The following MGAT4C variants were observed in gnomAD, a reference collection of about 807,000 sequenced individuals.
The protein encoded by MGAT4C is MGAT4 family member C, also known as alpha-1,3-mannosyl-glycoprotein 4-beta-N-acetylglucosaminyltransferase C.
In MGAT4C, 19 loss-of-function variants were observed where a neutral mutation model predicts 40.1. That is an observed-to-expected ratio of 0.47 (90% CI 0.33 to 0.70). The LOEUF is 0.70. MGAT4C is among the 30% of genes least tolerant of loss of function. The pLI, the probability that MGAT4C is intolerant of heterozygous loss-of-function variation, is 0.02. For missense variants in MGAT4C, 491 were observed against 563.2 expected (o/e 0.87, Z 1.30); for synonymous variants, 181 against 187.1 (o/e 0.97, Z 0.27).
At chr12:86,096,148 T>C (rs921046826) in intron 1 of MGAT4C, among the ~76,000 whole-genome samples, 1 of 151,754 alleles carries the variant, frequency 6.6e-6, no homozygotes, top group African/African-American at 2.4e-5. Context: ...TTAGTAGCAG[T>C]CTCTGTTTTC....
chr12:86,730,591 A>G (rs2136119521), intron 1 of MGAT4C, among the ~76,000 whole-genome samples: 1 of 152,218 alleles, frequency 6.6e-6, no homozygotes, highest in Middle Eastern at 3.4e-3. Context: ...TAAAAAGATC[A>G]GATGAGCAAT....
At chr12:86,024,484 T>G (rs1890072954) in intron 2 of MGAT4C, among the ~76,000 whole-genome samples, 1 of 151,800 alleles carries the variant, frequency 6.6e-6, no homozygotes, top group Admixed American at 6.6e-5. Flanking sequence ...CCCTTTCTAT[T>G]TTGTAAAATT....
chr12:86,416,058 T>C (rs1956704884), intron 3 of MGAT4C, among the ~76,000 whole-genome samples: 1 of 152,032 alleles, frequency 6.6e-6, no homozygotes, highest in African/African-American at 2.4e-5. Context: ...CATTTGTGTA[T>C]AGAGGGATAT....
At chr12:86,757,602 C>T (rs1565968623) in intron 1 of MGAT4C, among the ~76,000 whole-genome samples, 1 of 151,930 alleles carries the variant, frequency 6.6e-6, no homozygotes. Context: ...AATGTTTGTT[C>T]CAGGTGATAC....
At chr12:86,549,983 A>C (rs866779211) in intron 2 of MGAT4C, among the ~76,000 whole-genome samples, 19 of 152,206 alleles carry the variant, frequency 1.2e-4, no homozygotes, top group African/African-American at 4.3e-4. Context: ...CCAGGGAGGA[A>C]CCTGTAATCC....
intron 2 of MGAT4C, among the ~76,000 whole-genome samples, chr12:86,581,889 A>G (rs765408189): frequency 3.3e-5 from 5 of 151,446 alleles, no homozygotes; most frequent in Non-Finnish European, 7.4e-5. Flanking sequence ...CTCACCTTTT[A>G]TGATTAATCT....
chr12:86,176,687 C>G lies in MGAT4C; in HGVS notation c.-57+79552G>C, dbSNP rs574010616. Among the ~76,000 whole-genome samples, 3 of 151,292 alleles carry G rather than the reference C, an allele frequency of 2.0e-5. No homozygotes were observed. The East Asian group carries it at 5.8e-4, about 29-fold the overall frequency. On this transcript the variant is annotated intron_variant, in intron 1 of 4. Transcript: ENST00000611864. ...CCTCCTTTAATAGTTTAAGGATATT[C>G]TGATTTTTTATAAATAAGAATAATT...
chr12:86,141,192 G>A (rs912333881), intron 1 of MGAT4C, among the ~76,000 whole-genome samples: 1 of 152,132 alleles, frequency 6.6e-6, no homozygotes, highest in African/African-American at 2.4e-5. Flanking sequence ...CTTTTTGAAT[G>A]CCTCTGAGAT....
chr12:86,589,485 C>A (rs368561843), intron 2 of MGAT4C, among the ~76,000 whole-genome samples: 3 of 151,860 alleles, frequency 2.0e-5, no homozygotes, highest in Admixed American at 1.3e-4. Flanking sequence ...CAAGGAGGAA[C>A]TGGTACCATT....
chr12:86,203,905 G>A (rs1442099446), intron 1 of MGAT4C, among the ~76,000 whole-genome samples: 2 of 149,994 alleles, frequency 1.3e-5, no homozygotes, highest in Non-Finnish European at 3.0e-5. Flanking sequence ...TGCAGTGAGC[G>A]GAGATCGCGC....
chr12:86,655,236 T>C (rs1311033699), intron 2 of MGAT4C, among the ~76,000 whole-genome samples: 2 of 151,950 alleles, frequency 1.3e-5, no homozygotes, highest in Non-Finnish European at 2.9e-5. Context: ...TGCCCTGTTG[T>C]GGAAGGCAGT....
At chr12:86,339,773 T>C (rs970806334) in intron 3 of MGAT4C, among the ~76,000 whole-genome samples, 1 of 152,010 alleles carries the variant, frequency 6.6e-6, no homozygotes, top group Non-Finnish European at 1.5e-5. Context: ...GAGCAAATTT[T>C]AGTATCCAAG....
intron 2 of MGAT4C, among the ~76,000 whole-genome samples, chr12:86,493,275 G>T (rs921965330): frequency 5.3e-5 from 8 of 151,792 alleles, no homozygotes; most frequent in African/African-American, 1.7e-4. Flanking sequence ...AATACCATTT[G>T]ACCCAGCTAT....
At chr12:86,804,021 G>A (rs1357193230) in intron 1 of MGAT4C, among the ~76,000 whole-genome samples, 1 of 132,732 alleles carries the variant, frequency 7.5e-6, no homozygotes, top group Admixed American at 8.0e-5. Flanking sequence ...CAACCCAAAT[G>A]TCCAACAATG....
intron 2 of MGAT4C, among the ~76,000 whole-genome samples, chr12:86,444,537 C>G (rs1305681006): frequency 6.6e-6 from 1 of 152,126 alleles, no homozygotes; most frequent in African/African-American, 2.4e-5. Flanking sequence ...GGCTCTCTAA[C>G]AAGGATTTTA....
At chr12:86,240,000 C>T (rs988577078) in intron 1 of MGAT4C, among the ~76,000 whole-genome samples, 4 of 143,908 alleles carry the variant, frequency 2.8e-5, no homozygotes, top group Admixed American at 7.2e-5. Flanking sequence ...ACAATGTGCA[C>T]ACGTACCCTA....
At position 86,272,217 on chromosome 12, in the gene MGAT4C, T is replaced by TA. The variant is rs546267274; in HGVS notation, c.-57+61847dup. On this transcript the variant is annotated intron_variant, in intron 4 of 7. Coordinates refer to the MGAT4C transcript ENST00000548651. Reference sequence around the variant, plus strand: ...CACATATCCCATAAATTTGTGTAAATAAAAAAATTATTTATTCGTAAGACT... The same window carrying TA: ...CACATATCCCATAAATTTGTGTAAATAAAAAAAATTATTTATTCGTAAGACT... 2.0e-3 allele frequency among the ~76,000 whole-genome samples: 305 copies of TA among 152,232 alleles called. 2 individuals carry two copies. The highest frequency in any genetic ancestry group is 7.1e-3 in the African/African-American group (293 of 41,556).
chr12:86,491,486 T>A (rs1185905529), intron 2 of MGAT4C, among the ~76,000 whole-genome samples: 1 of 151,948 alleles, frequency 6.6e-6, no homozygotes, highest in Non-Finnish European at 1.5e-5. Flanking sequence ...CAAGGCTGGT[T>A]CAATATACGC....
At chr12:86,632,413 C>A (rs1466876564) in intron 2 of MGAT4C, among the ~76,000 whole-genome samples, 1 of 152,070 alleles carries the variant, frequency 6.6e-6, no homozygotes, top group Non-Finnish European at 1.5e-5. Context: ...TGGGTATATA[C>A]CCAAAGTATT....
Sources: allele counts gnomAD v4.1 joint callset (sites outside exome capture counted in the v4.1 genomes callset), GRCh38; gene constraint gnomAD v4.1.1; transcripts MANE v1.5; gene names NCBI Gene and HGNC (gene_info 2026-07-23, HGNC 2026-07-21).